Variants in DGKD observed in about 807,000 individuals in gnomAD.
The protein encoded by DGKD is diacylglycerol kinase delta.
DGKD carries 68 observed loss-of-function variants against 154.4 expected under a neutral mutation model. The observed-to-expected ratio is 0.44, with a 90% CI of 0.36 to 0.54. DGKD has a LOEUF of 0.54. Ranked by LOEUF, DGKD falls within the 20% of genes least tolerant of loss-of-function variation. The pLI is 0.00. For synonymous variants in DGKD, 693 were observed against 638.0 expected (o/e 1.09, Z -1.30); for missense variants, 1,343 against 1,593.6 (o/e 0.84, Z 2.68).
chr2:233,419,800 T>A (rs2062056950), intron 3 of DGKD, among the ~76,000 whole-genome samples: 1 of 152,198 alleles, frequency 6.6e-6, no homozygotes, highest in African/African-American at 2.4e-5. Flanking sequence ...GATTTTCACC[T>A]TGTCTGTCGA....
intron 19 of DGKD, among the ~76,000 whole-genome samples, chr2:233,456,442 T>C (rs1390429383): frequency 6.6e-6 from 1 of 152,200 alleles, no homozygotes; most frequent in Non-Finnish European, 1.5e-5. Flanking sequence ...AGGAAATACA[T>C]AGCAGCACTT....
Position 233,471,359 on chromosome 2 carries a change from G to A in DGKD, c.*1899G>A, listed in dbSNP as rs1159543293. The A allele has an allele frequency of 6.6e-6, 1 of 152,402 alleles. No individual in the cohort carries two copies. The highest frequency in any genetic ancestry group is 1.5e-5 in the Non-Finnish European group (1 of 68,076). 9.4% of individuals were successfully genotyped at this position (152,402 alleles called of 1,614,324 possible). A position where few individuals can be genotyped will look rare whatever the true frequency, so the allele number is the denominator to read the frequency against. On this transcript the variant is annotated 3_prime_UTR_variant, in exon 30 of 30. Coordinates refer to ENST00000264057, the MANE Select transcript of DGKD (RefSeq NM_152879.3). ...ACATTGTAGATGGGGGTTGGCAGAG[G>A]GAGAAATAAGCCAGCCACGGCAGTC...
chr2:233,449,491 C>T lies in DGKD; in HGVS notation c.1888+115C>T. On this transcript the variant is annotated intron_variant, in intron 15 of 29. Coordinates refer to ENST00000264057, the MANE Select transcript of DGKD (RefSeq NM_152879.3). This position sits in a 1 kb window ranked among gnomAD's most constrained non-coding sequence, Gnocchi z 5.3. ...CATGTTGAGAAAACCTCCACTGCGG[C>T]CCTCTCCACCCATGTCCAGGCACCA... 1.5e-6 allele frequency: 2 copies of T among 1,374,604 alleles called. No homozygotes were observed. The highest frequency in any genetic ancestry group is 2.5e-5 in the East Asian group (1 of 39,636). The allele number at this position is 1,374,604 out of a possible 1,614,324, so 85.2% of individuals were successfully genotyped here. A position where few individuals can be genotyped will look rare whatever the true frequency, so the allele number is the denominator to read the frequency against.
In DGKD at chr2:233,390,456, T is replaced by C. The variant is rs1299917454; in HGVS notation, c.321T>C (p.Ser107=). 11 of 1,614,024 alleles carry C rather than the reference T, an allele frequency of 6.8e-6. No individual in the cohort carries two copies. Among genetic ancestry groups the C allele is most frequent in the Non-Finnish European group, 6.8e-6 (8 of 1,179,990 alleles). ...DLTDASVAES[S]TKNVNNSFTV... is the part of the protein sequence containing the mutation. ...CAGATGCCAGCGTAGCTGAATCCAG[T>C]ACCAAAAACGTCAACAACAGTTTTA... Residue 107 remains serine, a synonymous_variant, in exon 3 of 30, where the codon AGT becomes AGC. Transcript: ENST00000264057.
Position 233,452,775 on chromosome 2 carries a change from C to T in DGKD, c.2264+715C>T, listed in dbSNP as rs1324679624. On this transcript the variant is annotated intron_variant, in intron 18 of 29. Transcript: ENST00000264057. This position sits in a 1 kb window ranked among gnomAD's most constrained non-coding sequence, Gnocchi z 4.0. ...GGTGTTTTGAAAACCTGTTTTTCTG[C>T]ACTCATCTTTATGCTGGCTGATTGC... 1.3e-5 allele frequency among the ~76,000 whole-genome samples: 2 copies of T among 152,202 alleles called. No homozygotes were observed. Among genetic ancestry groups the T allele is most frequent in the African/African-American group, 4.8e-5 (2 of 41,436 alleles).
intron 3 of DGKD, among the ~76,000 whole-genome samples, chr2:233,418,998 G>T (rs2062033028): frequency 4.6e-5 from 7 of 152,146 alleles, no homozygotes; most frequent in Admixed American, 3.3e-4. Flanking sequence ...TGTTGTCTAC[G>T]CACATCCCAG....
rs1166913465 is a variant in DGKD, at chr2:233,464,330, T to C, written c.3306+47T>C. On this transcript the variant is annotated intron_variant, in intron 27 of 29. Coordinates refer to ENST00000264057, the MANE Select transcript of DGKD (RefSeq NM_152879.3). ...GCCTGGGTCTCCCGGACATGGTGGC[T>C]CTCGCCTGAAGTGCCTGTGTTCCTT... 2.5e-6 allele frequency: 4 copies of C among 1,604,888 alleles called. No individual in the cohort carries two copies. The Admixed American group carries it at 6.7e-5, about 27-fold the overall frequency.
At chr2:233,463,458 ACG>A (rs2063723686) in intron 26 of DGKD, among the ~76,000 whole-genome samples, 1 of 115,626 alleles carries the variant, frequency 8.6e-6, no homozygotes, top group African/African-American at 4.1e-5. Context: ...TCCTCACTCC[ACG>A]CATGTCCTCA....
intron 3 of DGKD, among the ~76,000 whole-genome samples, chr2:233,424,599 C>T (rs1575092997): frequency 2.0e-5 from 3 of 152,212 alleles, no homozygotes; most frequent in Admixed American, 2.0e-4. Context: ...TCCCTGCCTC[C>T]GGCCCACTGG....
chr2:233,432,958 G>A (rs533422266), intron 3 of DGKD, among the ~76,000 whole-genome samples: 2 of 152,338 alleles, frequency 1.3e-5, no homozygotes, highest in South Asian at 4.1e-4. Context: ...TGCTGGCGAG[G>A]ATGTGGAGAA....
Position 233,459,606 on chromosome 2 carries a change from C to G in DGKD, c.2695-151C>G. Reference sequence around the variant, plus strand: ...TGACACAACAGCAGAAGGCTAGCTGCAGGCGGAGCGCCATCCCAGAGGCAG... The same window carrying G: ...TGACACAACAGCAGAAGGCTAGCTGGAGGCGGAGCGCCATCCCAGAGGCAG... On this transcript the variant is annotated intron_variant, in intron 22 of 29. Coordinates refer to ENST00000264057, the MANE Select transcript of DGKD (RefSeq NM_152879.3). This position sits in a 1 kb window ranked among gnomAD's most constrained non-coding sequence, Gnocchi z 5.7. 9.9e-7 allele frequency: 1 copy of G among 1,011,066 alleles called. No individual in the cohort carries two copies. Among genetic ancestry groups the G allele is most frequent in the Non-Finnish European group, 1.4e-6 (1 of 703,556 alleles). 62.6% of individuals were successfully genotyped at this position (1,011,066 alleles called of 1,614,324 possible). A position where few individuals can be genotyped will look rare whatever the true frequency, so the allele number is the denominator to read the frequency against.
At position 233,457,439 on chromosome 2, in the gene DGKD, G is replaced by A; in HGVS notation, c.2580+111G>A. ...TGGATCCAGCTCTTCTGTTGTGCCAGCAGTGGGGTTGCCGTGGAGAACAAG... is the reference window on the plus strand; with the variant it reads ...TGGATCCAGCTCTTCTGTTGTGCCAACAGTGGGGTTGCCGTGGAGAACAAG... On this transcript the variant is annotated intron_variant, in intron 21 of 29. Coordinates refer to ENST00000264057, the MANE Select transcript of DGKD (RefSeq NM_152879.3). The surrounding 1 kb of genome is among the most constrained non-coding windows in gnomAD (Gnocchi z 5.5). 1 of 836,240 alleles carries A rather than the reference G, an allele frequency of 1.2e-6. No individual in the cohort carries two copies. The highest frequency in any genetic ancestry group is 1.7e-5 in the African/African-American group (1 of 60,124). The allele number at this position is 836,240 out of a possible 1,614,324, so 51.8% of individuals were successfully genotyped here. A position where few individuals can be genotyped will look rare whatever the true frequency, so the allele number is the denominator to read the frequency against.
Position 233,462,640 on chromosome 2 carries a change from T to C in DGKD, c.3094-3T>C. On this transcript the variant is annotated splice_polypyrimidine_tract_variant and splice_region_variant and intron_variant, in intron 25 of 29. Coordinates refer to ENST00000264057, the MANE Select transcript of DGKD (RefSeq NM_152879.3). Reference sequence around the variant, plus strand: ...CCATGCATATTTGCCTGGTTTCTTCTAGGGGCTCAACTGCAGCTTCGTCCT... The same window carrying C: ...CCATGCATATTTGCCTGGTTTCTTCCAGGGGCTCAACTGCAGCTTCGTCCT... The C allele has an allele frequency of 6.2e-7, 1 of 1,613,998 alleles. No individual in the cohort carries two copies. The highest frequency in any genetic ancestry group is 8.5e-7 in the Non-Finnish European group (1 of 1,179,890).
Position 233,449,502 on chromosome 2 carries a change from C to A in DGKD, c.1888+126C>A. 7.6e-7 allele frequency: 1 copy of A among 1,317,262 alleles called. No individual in the cohort carries two copies. Among genetic ancestry groups the A allele is most frequent in the Non-Finnish European group, 1.0e-6 (1 of 986,250 alleles). The allele number at this position is 1,317,262 out of a possible 1,614,324, so 81.6% of individuals were successfully genotyped here. A position where few individuals can be genotyped will look rare whatever the true frequency, so the allele number is the denominator to read the frequency against. On this transcript the variant is annotated intron_variant, in intron 15 of 29. Transcript: ENST00000264057. This position sits in a 1 kb window ranked among gnomAD's most constrained non-coding sequence, Gnocchi z 5.3. Reference sequence around the variant, plus strand: ...AACCTCCACTGCGGCCCTCTCCACCCATGTCCAGGCACCAGACCCCCAACG... The same window carrying A: ...AACCTCCACTGCGGCCCTCTCCACCAATGTCCAGGCACCAGACCCCCAACG...
chr2:233,432,555 A>T (rs2125583690), intron 3 of DGKD, among the ~76,000 whole-genome samples: 1 of 152,272 alleles, frequency 6.6e-6, no homozygotes, highest in Middle Eastern at 3.4e-3. Flanking sequence ...GCTACTCGGG[A>T]GGCTGAGGCA....
chr2:233,376,846 CTGCTGCGGG>C (rs1223077428), intron 1 of DGKD, among the ~76,000 whole-genome samples: 1 of 152,264 alleles, frequency 6.6e-6, no homozygotes, highest in East Asian at 1.9e-4. Flanking sequence ...CTCCTGGGTG[CTGCTGCGGG>C]TGCTGCCCCT....
chr2:233,454,602 A>G (rs1398294264), intron 18 of DGKD, 161 bp from the exon 19 acceptor site: 5 of 598,518 alleles, frequency 8.4e-6, no homozygotes, highest in African/African-American at 1.9e-5. Flanking sequence ...TACATTTTAA[A>G]TTGGTAAATT....
At chr2:233,405,574 C>T (rs1426593333) in intron 3 of DGKD, among the ~76,000 whole-genome samples, 3 of 151,860 alleles carry the variant, frequency 2.0e-5, no homozygotes, top group Non-Finnish European at 4.4e-5. Flanking sequence ...GGGCTCTGCT[C>T]TGGGGATGGA....
chr2:233,403,516 G>A (rs992627359), intron 3 of DGKD, among the ~76,000 whole-genome samples: 3 of 151,712 alleles, frequency 2.0e-5, no homozygotes, highest in African/African-American at 7.3e-5. Flanking sequence ...AGCCAAGATC[G>A]CACCGTTGCA....
Sources: gnomAD v4.1 joint callset for allele counts (sites outside exome capture counted in the v4.1 genomes callset) on GRCh38, gnomAD v4.1.1 for gene constraint, Gnocchi (gnomAD v3.1) non-coding constraint, MANE v1.5 for transcripts, NCBI Gene and HGNC (gene_info 2026-07-23, HGNC 2026-07-21) for gene names.